The following FGFR2 variants were observed in gnomAD, a reference collection of about 807,000 sequenced individuals.
The protein encoded by FGFR2 is BEK fibroblast growth factor receptor.
FGFR2 carries 19 observed loss-of-function variants against 95.9 expected under a neutral mutation model. The observed-to-expected ratio is 0.20, with a 90% CI of 0.14 to 0.29. The LOEUF is 0.29. Ranked by LOEUF, FGFR2 falls within the 10% of genes least tolerant of loss-of-function variation. The probability of loss-of-function intolerance (pLI) is 1.00; values close to 1 mark genes in which losing one functional copy is unlikely to be tolerated. For synonymous variants in FGFR2, 392 were observed against 393.3 expected (o/e 1.00, Z 0.04); for missense variants, 707 against 1,056.9 (o/e 0.67, Z 4.59).
chr10:121,480,108 G>C (rs1329265878), intron 17 of FGFR2, 87 bp from the exon 18 acceptor site: 1 of 1,292,442 alleles, frequency 7.7e-7, no homozygotes. Flanking sequence ...TGAGGTCCAA[G>C]TATTCCTGAA....
chr10:121,482,030 G>C (rs1844796438), intron 17 of FGFR2: 1 of 639,886 alleles, frequency 1.6e-6, no homozygotes. Context: ...GTAGAGACAG[G>C]GTTTCACCAT....
At chr10:121,595,665 T>C (rs577270938) in intron 1 of FGFR2, among the ~76,000 whole-genome samples, 1 of 152,300 alleles carries the variant, frequency 6.6e-6, no homozygotes, top group East Asian at 1.9e-4. Flanking sequence ...TACTAAGCAT[T>C]TGCAGAATGC....
chr10:121,540,078 T>C (rs562604221), intron 5 of FGFR2, among the ~76,000 whole-genome samples: 1 of 152,290 alleles, frequency 6.6e-6, no homozygotes, highest in South Asian at 2.1e-4. Context: ...CTGACAGTCT[T>C]AGAAAGGATC....
chr10:121,533,700 C>T (rs1173786255), intron 6 of FGFR2, among the ~76,000 whole-genome samples: 2 of 152,202 alleles, frequency 1.3e-5, no homozygotes, highest in East Asian at 1.9e-4. Context: ...TCCTTAGAGT[C>T]GGGCTGTGGC....
At chr10:121,524,749 C>T (rs1048497885) in intron 6 of FGFR2, among the ~76,000 whole-genome samples, 1 of 152,198 alleles carries the variant, frequency 6.6e-6, no homozygotes, top group Non-Finnish European at 1.5e-5. Flanking sequence ...GTGGGGGCCC[C>T]CTTCGTGGCC....
chr10:121,558,501 GC>G (rs2134983862), intron 4 of FGFR2, among the ~76,000 whole-genome samples: 1 of 152,294 alleles, frequency 6.6e-6, no homozygotes, highest in East Asian at 1.9e-4. Context: ...ACCAGAGAAT[GC>G]CCTGCACATC....
chr10:121,479,177 G>C lies in FGFR2; in HGVS notation c.*680C>G. On this transcript the variant is annotated 3_prime_UTR_variant, in exon 18 of 18. Coordinates refer to ENST00000358487, the MANE Select transcript of FGFR2 (RefSeq NM_000141.5). ...ACTAGTCTGCTGTGCTGCCTGCATA[G>C]AAATGCCACTTAAATTACAAAAAAA... 1 of 232,876 alleles carries C rather than the reference G, an allele frequency of 4.3e-6. No individual in the cohort carries two copies. Among genetic ancestry groups the C allele is most frequent in the Non-Finnish European group, 8.5e-6 (1 of 117,686 alleles). The allele number at this position is 232,876 out of a possible 1,614,324, so 14.4% of individuals were successfully genotyped here.
At position 121,572,119 on chromosome 10, in the gene FGFR2, G is replaced by A. The variant is rs573886577; in HGVS notation, c.110-6415C>T. 2.2e-5 allele frequency among the ~76,000 whole-genome samples: 3 copies of A among 138,638 alleles called. No individual in the cohort carries two copies. The South Asian group carries it at 6.9e-4, about 32-fold the overall frequency. 91.0% of individuals were successfully genotyped at this position (138,638 alleles called of 152,430 possible). ...ACTTGAGGTCAGGAGTTCAAGACCA[G>A]CCTAGGGAACATAGTAAGATCCTCT... On this transcript the variant is annotated intron_variant, in intron 2 of 17. Coordinates refer to ENST00000358487, the MANE Select transcript of FGFR2 (RefSeq NM_000141.5).
intron 6 of FGFR2, among the ~76,000 whole-genome samples, chr10:121,521,697 C>A (rs2134343601): frequency 6.6e-6 from 1 of 151,630 alleles, no homozygotes; most frequent in African/African-American, 2.4e-5. Flanking sequence ...ACACTGGAAC[C>A]CCTGCGCACT....
intron 13 of FGFR2, among the ~76,000 whole-genome samples, chr10:121,489,024 A>T (rs1319570726): frequency 2.0e-5 from 3 of 151,768 alleles, no homozygotes; most frequent in Admixed American, 6.6e-5. Context: ...GATGCTATTG[A>T]TTTCTTGCTT....
chr10:121,557,285 A>G (rs141003805), intron 4 of FGFR2, among the ~76,000 whole-genome samples: 50 of 152,306 alleles, frequency 3.3e-4, no homozygotes, highest in African/African-American at 1.1e-3. Flanking sequence ...CATCAACAGT[A>G]TTTGTGATAA....
In FGFR2 at chr10:121,522,256, A is replaced by T. The variant is rs192387607; in HGVS notation, c.749-2087T>A. Among the ~76,000 whole-genome samples, 21 of 152,350 alleles carry T rather than the reference A, an allele frequency of 1.4e-4. No individual in the cohort carries two copies. In the East Asian group the frequency reaches 3.9e-3, roughly 28 times the overall value. On this transcript the variant is annotated intron_variant, in intron 6 of 17. Coordinates refer to ENST00000358487, the MANE Select transcript of FGFR2 (RefSeq NM_000141.5). ...GTCAACAACAACGTATTGTACACTGAAAACTTAGTTGAAGACCAGGCGCAG... is the reference window on the plus strand; with the variant it reads ...GTCAACAACAACGTATTGTACACTGTAAACTTAGTTGAAGACCAGGCGCAG...
chr10:121,561,091 T>G (rs1856892280), intron 4 of FGFR2, among the ~76,000 whole-genome samples: 1 of 152,114 alleles, frequency 6.6e-6, no homozygotes, highest in Admixed American at 6.6e-5. Context: ...AGTAACTCAT[T>G]TATCCGAGGC....
intron 5 of FGFR2, among the ~76,000 whole-genome samples, chr10:121,550,711 T>C (rs902698156): frequency 5.3e-5 from 8 of 152,186 alleles, no homozygotes; most frequent in African/African-American, 1.9e-4. Flanking sequence ...ATAAAGCATA[T>C]AGAAAACAGA....
At chr10:121,584,020 TATC>T (rs2135387382) in intron 2 of FGFR2, among the ~76,000 whole-genome samples, 1 of 152,114 alleles carries the variant, frequency 6.6e-6, no homozygotes, top group East Asian at 1.9e-4. Context: ...GGTAGCCAGT[TATC>T]ATCATCACCA....
intron 9 of FGFR2, among the ~76,000 whole-genome samples, chr10:121,510,782 A>ATTTTATT (rs1044816866): frequency 2.1e-5 from 3 of 145,870 alleles, no homozygotes; most frequent in Non-Finnish European, 3.0e-5. Context: ...CCCTTGATTT[A>ATTTTATT]TTTTATTTTA....
intron 8 of FGFR2, among the ~76,000 whole-genome samples, chr10:121,516,071 T>C (rs978775547): frequency 6.6e-6 from 1 of 152,186 alleles, no homozygotes; most frequent in African/African-American, 2.4e-5. Context: ...TGTGTGAGTA[T>C]ACATATAATT....
intron 5 of FGFR2, among the ~76,000 whole-genome samples, chr10:121,544,273 C>G (rs1201177609): frequency 6.6e-6 from 1 of 151,966 alleles, no homozygotes; most frequent in Non-Finnish European, 1.5e-5. Context: ...TGGTGAAACC[C>G]TGTCTCTACT....
In FGFR2 at chr10:121,589,686, C is replaced by T. The variant is rs539914247; in HGVS notation, c.109+4023G>A. On this transcript the variant is annotated intron_variant, in intron 2 of 17. Coordinates refer to ENST00000358487, the MANE Select transcript of FGFR2 (RefSeq NM_000141.5). ...GCTCTATAAGTAATATTAAACATGG[C>T]TCTTGGTCTATGAATTGTGAAACAC... is the stretch of plus-strand genomic sequence containing the variant. Among the ~76,000 whole-genome samples the T allele has an allele frequency of 3.3e-5, 5 of 152,306 alleles. No individual in the cohort carries two copies. The South Asian group carries it at 6.2e-4, about 19-fold the overall frequency.
Sources: allele counts gnomAD v4.1 joint callset (sites outside exome capture counted in the v4.1 genomes callset), GRCh38; gene constraint gnomAD v4.1.1; transcripts MANE v1.5; gene names NCBI Gene and HGNC (gene_info 2026-07-23, HGNC 2026-07-21).